The following TXLNA variants were observed in gnomAD, a reference collection of about 807,000 sequenced individuals.
The protein encoded by TXLNA is alpha-taxilin.
TXLNA carries 9 observed loss-of-function variants against 61.4 expected under a neutral mutation model. That is an observed-to-expected ratio of 0.15 (90% CI 0.09 to 0.26). The LOEUF (loss-of-function observed/expected upper bound fraction) is 0.26, where lower values mean the gene tolerates loss of function less well. TXLNA is among the 10% of genes least tolerant of loss of function. The probability of loss-of-function intolerance (pLI) is 1.00; values close to 1 mark genes in which losing one functional copy is unlikely to be tolerated. For synonymous variants in TXLNA, 257 were observed against 267.7 expected, an observed-to-expected ratio of 0.96 and a Z score of 0.39; for missense variants, 565 against 688.8, an observed-to-expected ratio of 0.82 and a Z score of 2.01.
intron 6 of TXLNA, among the ~76,000 whole-genome samples, chr1:32,191,201 C>G (rs1028424732): frequency 6.6e-6 from 1 of 151,872 alleles, no homozygotes; most frequent in Non-Finnish European, 1.5e-5. Flanking sequence ...CCTGGCTGTT[C>G]TGGGCGCGTT....
chr1:32,191,816 C>CA (rs1642913070), intron 6 of TXLNA, among the ~76,000 whole-genome samples: 1 of 152,370 alleles, frequency 6.6e-6, no homozygotes, highest in African/African-American at 2.4e-5. Flanking sequence ...CCTTCTCTCT[C>CA]ACCTGACACA....
intron 3 of TXLNA, 96 bp from the exon 4 acceptor site, chr1:32,184,429 T>C (rs1169956944): frequency 1.3e-6 from 1 of 774,818 alleles, no homozygotes; most frequent in African/African-American, 1.7e-5. Context: ...TAAAGTATGA[T>C]GGGGAGGGCT....
rs1385816487 is a variant in TXLNA at position 32,195,864 on chromosome 1, A to C, written c.*669A>C. The C allele has an allele frequency of 2.2e-6, 1 of 445,378 alleles. No individual in the cohort carries two copies. The highest frequency in any genetic ancestry group is 2.0e-5 in the African/African-American group (1 of 49,642). The allele number at this position is 445,378 out of a possible 1,614,324, so 27.6% of individuals were successfully genotyped here. A position where few individuals can be genotyped will look rare whatever the true frequency, so the allele number is the denominator to read the frequency against. ...TGGTAGTGCCAGGACCAGGCCAATG[A>C]TGCTTCTCAGTAGCCTTATCATTCA... On this transcript the variant is annotated 3_prime_UTR_variant, in exon 11 of 11. Coordinates refer to ENST00000373610, the MANE Select transcript of TXLNA (RefSeq NM_175852.4).
rs766049073 is a variant in TXLNA, at chr1:32,188,031, C to T, written c.675C>T (p.Asp225=). ...AGAGCCAGCTGGTGCAAGAGAAGGA[C>T]CACCTGCGCGGTGAGCACAGCAAGG... is the stretch of plus-strand genomic sequence containing the variant. The part of the protein sequence containing the change: ...KKQSQLVQEK[D]HLRGEHSKAV... The change falls in exon 5 of 11, where the codon GAC becomes GAT. Residue 225 remains aspartate, a synonymous_variant. Transcript: ENST00000373610. 1 of 1,611,860 alleles carries T rather than the reference C, an allele frequency of 6.2e-7. No individual in the cohort carries two copies. Among genetic ancestry groups the T allele is most frequent in the Non-Finnish European group, 8.5e-7 (1 of 1,179,056 alleles).
chr1:32,182,238 T>G (rs1195386800), intron 3 of TXLNA, among the ~76,000 whole-genome samples: 1 of 151,882 alleles, frequency 6.6e-6, no homozygotes, highest in Non-Finnish European at 1.5e-5. Context: ...TTGGCACACA[T>G]GCCTGCGAAT....
rs1642962053 is a variant in TXLNA, at chr1:32,194,043, TTCTG to T, written c.1252-15_1252-12del. ...GGAGAGGCCAGCTCTGACCATTTCC[TTCTG>T]TCTGTCACATAACCTAGATGACTAA... On this transcript the variant is annotated intron_variant, in intron 9 of 10. Transcript: ENST00000373610. 2 of 1,603,374 alleles carry T rather than the reference TTCTG, an allele frequency of 1.2e-6. No individual in the cohort carries two copies. The highest frequency in any genetic ancestry group is 1.7e-6 in the Non-Finnish European group (2 of 1,172,686).
At position 32,185,390 on chromosome 1, in the gene TXLNA, T is replaced by TATGTATGTATG. The variant is rs1557500829; in HGVS notation, c.597+774_597+775insATGTATGTATG. 2.1e-5 allele frequency among the ~76,000 whole-genome samples: 3 copies of TATGTATGTATG among 145,134 alleles called. No homozygotes were observed. In the East Asian group the frequency reaches 5.8e-4, roughly 28 times the overall value. On this transcript the variant is annotated intron_variant, in intron 4 of 10. Transcript: ENST00000373610. ...TGTATGTATGTATGTATGTATGTAT[T>TATGTATGTATG]TATTTATTTATTTATTTTTTGAGAC...
chr1:32,188,536 G>A (rs745761617), intron 5 of TXLNA, among the ~76,000 whole-genome samples: 1 of 152,060 alleles, frequency 6.6e-6, no homozygotes, highest in Non-Finnish European at 1.5e-5. Context: ...TACTCAGGTG[G>A]CTCAGGCATG....
intron 10 of TXLNA, among the ~76,000 whole-genome samples, chr1:32,194,565 T>C (rs552971936): frequency 6.6e-6 from 1 of 152,250 alleles, no homozygotes; most frequent in East Asian, 1.9e-4. Flanking sequence ...CTGCTGAATG[T>C]TTTTAGGTAC....
rs1643031654 is a variant in TXLNA, at chr1:32,196,655, TG to T, written c.*1463del. 6.6e-6 allele frequency: 1 copy of T among 152,264 alleles called. No homozygotes were observed. The highest frequency in any genetic ancestry group is 6.5e-5 in the Admixed American group (1 of 15,286). The allele number at this position is 152,264 out of a possible 1,614,324, so 9.4% of individuals were successfully genotyped here. On this transcript the variant is annotated 3_prime_UTR_variant, in exon 11 of 11. Transcript: ENST00000373610. ...CCAGTGTTTGTGCCAAGCAGTTTTC[TG>T]GGACAACAGAATGACTCAGACCAAG...
rs554679719 is a variant in TXLNA at position 32,180,801 on chromosome 1, AC to A, written c.169+289del. On this transcript the variant is annotated intron_variant, in intron 2 of 10. Coordinates refer to ENST00000373610, the MANE Select transcript of TXLNA (RefSeq NM_175852.4). ...AGGTCCCGTTAGAAACACCTCAGCC[AC>A]CAGCAGCTAACTGCCCTTCCTGTTT... 1.6e-3 allele frequency among the ~76,000 whole-genome samples: 238 copies of A among 152,340 alleles called. 1 individual carries two copies. Among genetic ancestry groups the A allele is most frequent in the African/African-American group, 5.4e-3 (223 of 41,586 alleles).
chr1:32,181,263 A>T lies in TXLNA; in HGVS notation c.191A>T (p.Gln64Leu). The part of the protein sequence containing the change: ...KPEGAQARTA[Q>L]SGALRDVSEE... ...GTAGGGGCTCAAGCCAGAACGGCTCAGTCTGGGGCCCTTCGTGATGTCTCT... is the reference window on the plus strand; with the variant it reads ...GTAGGGGCTCAAGCCAGAACGGCTCTGTCTGGGGCCCTTCGTGATGTCTCT... Residue 64 changes from glutamine to leucine, a missense_variant, in exon 3 of 11, where the codon CAG becomes CTG. Gln to Leu is a moderately radical substitution (Grantham distance 113). Around this residue, in one of 2 missense-constraint regions of TXLNA, gnomAD observed 192 missense variants for 184.8 expected, o/e 1.04. Transcript: ENST00000373610. The T allele has an allele frequency of 6.3e-7, 1 of 1,597,340 alleles. No homozygotes were observed. Among genetic ancestry groups the T allele is most frequent in the Non-Finnish European group, 8.6e-7 (1 of 1,167,880 alleles).
At position 32,192,862 on chromosome 1, in the gene TXLNA, T is replaced by G. The variant is rs1642936687; in HGVS notation, c.1158+131T>G. 1 of 927,246 alleles carries G rather than the reference T, an allele frequency of 1.1e-6. No individual in the cohort carries two copies. The highest frequency in any genetic ancestry group is 1.6e-5 in the African/African-American group (1 of 61,158). The allele number at this position is 927,246 out of a possible 1,614,324, so 57.4% of individuals were successfully genotyped here. A position where few individuals can be genotyped will look rare whatever the true frequency, so the allele number is the denominator to read the frequency against. ...TGCTATGACGCCTTGGTTGAGCCTT[T>G]GTTCTCTCCGGACCTGCACAGTACC... On this transcript the variant is annotated intron_variant, in intron 8 of 10. Coordinates refer to ENST00000373610, the MANE Select transcript of TXLNA (RefSeq NM_175852.4). The surrounding 1 kb of genome is among the most constrained non-coding windows in gnomAD (Gnocchi z 4.2).
rs764947075 is a variant in TXLNA at position 32,194,166 on chromosome 1, CTG to C, written c.1347+8_1347+9del. On this transcript the variant is annotated splice_region_variant and intron_variant, in intron 10 of 10. Coordinates refer to ENST00000373610, the MANE Select transcript of TXLNA (RefSeq NM_175852.4). The stretch of plus-strand genomic sequence containing the variant: ...TGCTTGAGATGGCTGAGGAGGTGGG[CTG>C]TCTGTGATCTGCAGCCAGGGTGGGG... 1.2e-6 allele frequency: 2 copies of C among 1,612,516 alleles called. No homozygotes were observed. Among genetic ancestry groups the C allele is most frequent in the African/African-American group, 2.7e-5 (2 of 74,886 alleles).
Position 32,195,729 on chromosome 1 carries a change from G to A in TXLNA, c.*534G>A. ...GGTGTCCCTAGGCAGAGCCCTGGCA[G>A]GGCGCTCAGAGCTGGGGATTTCCTG... is the stretch of plus-strand genomic sequence containing the variant. On this transcript the variant is annotated 3_prime_UTR_variant, in exon 11 of 11. Coordinates refer to ENST00000373610, the MANE Select transcript of TXLNA (RefSeq NM_175852.4). 2.2e-6 allele frequency: 1 copy of A among 456,426 alleles called. No homozygotes were observed. The highest frequency in any genetic ancestry group is 4.4e-6 in the Non-Finnish European group (1 of 227,072). 28.3% of individuals were successfully genotyped at this position (456,426 alleles called of 1,614,324 possible).
Position 32,195,338 on chromosome 1 carries a change from T to C in TXLNA, c.*143T>C. 2.1e-6 allele frequency: 2 copies of C among 941,382 alleles called. No homozygotes were observed. Among genetic ancestry groups the C allele is most frequent in the South Asian group, 1.8e-5 (1 of 56,478 alleles). The allele number at this position is 941,382 out of a possible 1,614,324, so 58.3% of individuals were successfully genotyped here. Reference sequence around the variant, plus strand: ...CATCTGGCACTTGCAATTTTGGATTTTGTGGGTCAGTTTTACGTACATAGG... The same window carrying C: ...CATCTGGCACTTGCAATTTTGGATTCTGTGGGTCAGTTTTACGTACATAGG... On this transcript the variant is annotated 3_prime_UTR_variant, in exon 11 of 11. Coordinates refer to ENST00000373610, the MANE Select transcript of TXLNA (RefSeq NM_175852.4).
Position 32,194,917 on chromosome 1 carries a change from A to C in TXLNA, c.1363A>C (p.Lys455Gln), listed in dbSNP as rs1396007921. The change falls in exon 11 of 11, where the codon AAA becomes CAA. Residue 455 changes from lysine to glutamine, a missense_variant. Around this residue, in one of 2 missense-constraint regions of TXLNA, gnomAD observed 373 missense variants for 504.0 expected, o/e 0.74. Coordinates refer to ENST00000373610, the MANE Select transcript of TXLNA (RefSeq NM_175852.4). ...CTTTCCCTAGAAAACAGTCCGGGAT[A>C]AAGAACTGGAGGGCCTGCAGGTAAA... is the stretch of plus-strand genomic sequence containing the variant. ...EMAEEKTVRD[K>Q]ELEGLQVKIQ... is the part of the protein sequence containing the mutation. The C allele has an allele frequency of 6.2e-7, 1 of 1,611,750 alleles. No individual in the cohort carries two copies. The highest frequency in any genetic ancestry group is 1.7e-5 in the Admixed American group (1 of 59,462).
chr1:32,188,990 G>A (rs1264262972), intron 5 of TXLNA, among the ~76,000 whole-genome samples: 1 of 151,994 alleles, frequency 6.6e-6, no homozygotes, highest in Admixed American at 6.5e-5. Context: ...CTTACATGTA[G>A]TTTTTAGAAT....
intron 5 of TXLNA, among the ~76,000 whole-genome samples, chr1:32,188,669 G>C (rs568023709): frequency 6.6e-6 from 1 of 152,258 alleles, no homozygotes; most frequent in South Asian, 2.1e-4. Context: ...CAGGCTTGTG[G>C]CATAGAAATA....
Sources: gnomAD v4.1 joint callset for allele counts (sites outside exome capture counted in the v4.1 genomes callset) on GRCh38, gnomAD v4.1.1 for gene constraint, gnomAD v4.1.1 regional missense constraint, Gnocchi (gnomAD v3.1) non-coding constraint, MANE v1.5 for transcripts, NCBI Gene and HGNC (gene_info 2026-07-23, HGNC 2026-07-21) for gene names.